The following CDYL variants were observed in gnomAD, a reference collection of about 807,000 sequenced individuals.
CDYL encodes the protein chromodomain Y like.
Under a neutral mutation model 47.3 loss-of-function variants are expected in CDYL, and 8 were observed. The observed-to-expected ratio is 0.17, with a 90% CI of 0.10 to 0.31. CDYL has a LOEUF of 0.31. CDYL is among the 10% of genes least tolerant of loss of function. The probability of loss-of-function intolerance (pLI) is 1.00; values close to 1 mark genes in which losing one functional copy is unlikely to be tolerated. For synonymous variants in CDYL, 266 were observed against 265.0 expected, an observed-to-expected ratio of 1.00 and a Z score of -0.04; for missense variants, 471 against 701.4, an observed-to-expected ratio of 0.67 and a Z score of 3.71.
chr6:4,769,286 G>A (rs1758301698), intron 3 of CDYL, among the ~76,000 whole-genome samples: 1 of 152,138 alleles, frequency 6.6e-6, no homozygotes. Context: ...TACTATATAT[G>A]CAATTTTTCT....
At chr6:4,914,895 A>T (rs1757512684) in intron 2 of CDYL, among the ~76,000 whole-genome samples, 1 of 152,178 alleles carries the variant, frequency 6.6e-6, no homozygotes, top group Non-Finnish European at 1.5e-5. Context: ...CAGCTGGGAG[A>T]GTAGGCAGGG....
intron 1 of CDYL, among the ~76,000 whole-genome samples, chr6:4,708,445 C>G (rs1490701600): frequency 6.6e-6 from 1 of 152,162 alleles, no homozygotes; most frequent in East Asian, 1.9e-4. Flanking sequence ...CAGTTATGAG[C>G]CACCACACCT....
At chr6:4,870,913 T>TA (rs1761454995) in intron 1 of CDYL, among the ~76,000 whole-genome samples, 1 of 152,238 alleles carries the variant, frequency 6.6e-6, no homozygotes, top group South Asian at 2.1e-4. Flanking sequence ...AACATGGTTT[T>TA]AAAAAATCTT....
intron 1 of CDYL, among the ~76,000 whole-genome samples, chr6:4,885,658 C>T (rs1761881392): frequency 6.6e-6 from 1 of 152,210 alleles, no homozygotes; most frequent in African/African-American, 2.4e-5. Flanking sequence ...TCAGACCCTT[C>T]AAATTTCCTT....
At chr6:4,718,261 TTGGTGG>T (rs70974131) in intron 2 of CDYL, among the ~76,000 whole-genome samples, 19,374 of 151,930 alleles carry the variant, frequency 0.13, 1,478 homozygotes, top group African/African-American at 0.23. Flanking sequence ...TTTTTTGTCA[TTGGTGG>T]TGGTGGTGGT....
intron 3 of CDYL, among the ~76,000 whole-genome samples, chr6:4,750,177 A>C (rs1417548685): frequency 1.3e-5 from 2 of 151,700 alleles, no homozygotes; most frequent in Non-Finnish European, 2.9e-5. Flanking sequence ...TGTCCTTGCA[A>C]AAAAAAGTTT....
intron 2 of CDYL, among the ~76,000 whole-genome samples, chr6:4,895,639 A>G (rs1325238138): frequency 6.6e-6 from 1 of 151,130 alleles, no homozygotes; most frequent in Non-Finnish European, 1.5e-5. Context: ...CTAGTCCTTA[A>G]CCCGCACGTC....
chr6:4,938,232 T>TG (rs1758259023), intron 4 of CDYL, among the ~76,000 whole-genome samples: 1 of 121,082 alleles, frequency 8.3e-6, no homozygotes, highest in Admixed American at 7.7e-5. Context: ...TTTTTTTTGT[T>TG]GTTTTTTTTT....
chr6:4,903,430 G>A (rs1353799442), intron 2 of CDYL, among the ~76,000 whole-genome samples: 3 of 152,194 alleles, frequency 2.0e-5, no homozygotes, highest in East Asian at 3.8e-4. Context: ...ATTTTCTTCC[G>A]TGATGGTTCA....
intron 1 of CDYL, among the ~76,000 whole-genome samples, chr6:4,877,256 A>AT (rs1003875946): frequency 2.6e-5 from 4 of 151,844 alleles, no homozygotes; most frequent in African/African-American, 7.3e-5. Flanking sequence ...ATCTTTCAAC[A>AT]TTTTTTTTCT....
At chr6:4,848,310 T>C (rs114334807) in intron 1 of CDYL, among the ~76,000 whole-genome samples, 3,438 of 152,274 alleles carry the variant, frequency 0.023, 135 homozygotes, top group African/African-American at 0.078. Context: ...GATTGATTCT[T>C]GGTGCTTTTT....
chr6:4,953,630 G>A (rs547685581), intron 6 of CDYL, among the ~76,000 whole-genome samples: 4 of 152,328 alleles, frequency 2.6e-5, no homozygotes, highest in Admixed American at 6.5e-5. Context: ...CGGCAGTGGC[G>A]CGGGGCCGAG....
At chr6:4,713,576 TATCA>T (rs200961760) in intron 1 of CDYL, among the ~76,000 whole-genome samples, 3,757 of 140,752 alleles carry the variant, frequency 0.027, 133 homozygotes, top group African/African-American at 0.069. Context: ...TTAAAACTTC[TATCA>T]TTTAGATTCT....
intron 5 of CDYL, among the ~76,000 whole-genome samples, chr6:4,944,025 C>CA (rs1208076742): frequency 1.3e-5 from 2 of 152,164 alleles, no homozygotes; most frequent in African/African-American, 4.8e-5. Context: ...ACCCAACCAA[C>CA]AATTTGCAAT....
chr6:4,725,238 AC>A (rs1402369245), intron 2 of CDYL, among the ~76,000 whole-genome samples: 3 of 152,218 alleles, frequency 2.0e-5, no homozygotes, highest in Non-Finnish European at 4.4e-5. Context: ...CCAAGTCCCC[AC>A]CAGAATCAGG....
intron 4 of CDYL, 49 bp from the exon 5 acceptor site, chr6:4,943,497 C>G: frequency 7.6e-7 from 1 of 1,312,502 alleles, no homozygotes; most frequent in Non-Finnish European, 1.1e-6. Context: ...TTTTCCTTTG[C>G]TCAAATATGC....
chr6:4,895,465 A>C lies in CDYL; in HGVS notation c.691+3086A>C, dbSNP rs58303503. Among the ~76,000 whole-genome samples the C allele has an allele frequency of 6.0e-4, 2 of 3,358 alleles. 1 individual carries two copies. The highest frequency in any genetic ancestry group is 6.3e-4 in the African/African-American group (2 of 3,188). The allele number at this position is 3,358 out of a possible 152,430, so 2.2% of individuals were successfully genotyped here. On this transcript the variant is annotated intron_variant, in intron 2 of 6. Coordinates refer to ENST00000397588, the MANE Select transcript of CDYL (RefSeq NM_004824.4). Reference sequence around the variant, plus strand: ...TATATATGCATATATACATGTATACATATATACGTATATATGTATATATAC... The same window carrying C: ...TATATATGCATATATACATGTATACCTATATACGTATATATGTATATATAC...
chr6:4,728,070 T>C (rs1490854662), intron 2 of CDYL, among the ~76,000 whole-genome samples: 1 of 152,206 alleles, frequency 6.6e-6, no homozygotes, highest in Admixed American at 6.5e-5. Flanking sequence ...TAACCCATGC[T>C]TCAGAATTTG....
intron 2 of CDYL, among the ~76,000 whole-genome samples, chr6:4,917,602 G>C (rs1195589779): frequency 6.6e-6 from 1 of 152,194 alleles, no homozygotes; most frequent in Non-Finnish European, 1.5e-5. Context: ...CAGATGAAGT[G>C]GGGGGCAGAA....
Sources: gnomAD v4.1 joint callset for allele counts (sites outside exome capture counted in the v4.1 genomes callset) on GRCh38, gnomAD v4.1.1 for gene constraint, MANE v1.5 for transcripts, NCBI Gene and HGNC (gene_info 2026-07-23, HGNC 2026-07-21) for gene names.